The following GRID2 variants were observed in gnomAD, a reference collection of about 807,000 sequenced individuals.
The protein encoded by GRID2 is glutamate ionotropic receptor delta type subunit 2.
Under a neutral mutation model 114.8 loss-of-function variants are expected in GRID2, and 33 were observed. The ratio of observed to expected loss-of-function variants is 0.29; its 90% CI spans 0.22 to 0.38. The LOEUF (loss-of-function observed/expected upper bound fraction) is 0.38. Among genes scored for constraint, GRID2 ranks in the 10% least tolerant of loss-of-function variants. The probability of loss-of-function intolerance (pLI) is 1.00; values close to 1 mark genes in which losing one functional copy is unlikely to be tolerated. For synonymous variants in GRID2, 505 were observed against 449.9 expected (o/e 1.12, Z -1.55); for missense variants, 1,184 against 1,257.7 (o/e 0.94, Z 0.89).
intron 1 of GRID2, among the ~76,000 whole-genome samples, chr4:93,786,717 A>T (rs1412064738): frequency 7.9e-5 from 12 of 152,242 alleles, no homozygotes; most frequent in Non-Finnish European, 1.5e-5. Context: ...AAAGCTATCT[A>T]GAGCAACATG....
intron 2 of GRID2, among the ~76,000 whole-genome samples, chr4:92,941,035 T>C (rs1246153569): frequency 6.6e-6 from 1 of 152,144 alleles, no homozygotes; most frequent in Admixed American, 6.5e-5. Context: ...TTCTCTTTTA[T>C]TGTTGTGTCT....
At chr4:92,444,740 A>G (rs935481888) in intron 1 of GRID2, among the ~76,000 whole-genome samples, 1 of 152,204 alleles carries the variant, frequency 6.6e-6, no homozygotes, top group Non-Finnish European at 1.5e-5. Context: ...GCAACATAAT[A>G]AATGACAAAT....
intron 2 of GRID2, among the ~76,000 whole-genome samples, chr4:92,894,676 G>T (rs555552728): frequency 6.6e-6 from 1 of 152,152 alleles, no homozygotes; most frequent in East Asian, 1.9e-4. Flanking sequence ...ACGTTTAAAA[G>T]AACAATTGTC....
intron 2 of GRID2, among the ~76,000 whole-genome samples, chr4:92,682,210 T>A (rs1733682913): frequency 6.6e-6 from 1 of 152,122 alleles, no homozygotes; most frequent in Non-Finnish European, 1.5e-5. Context: ...GAATTTGAGA[T>A]GGAACTATAG....
intron 2 of GRID2, among the ~76,000 whole-genome samples, chr4:92,995,704 T>C (rs1242442917): frequency 1.3e-5 from 2 of 152,188 alleles, no homozygotes; most frequent in Non-Finnish European, 2.9e-5. Context: ...TATCATTTCA[T>C]GTCATCTGGA....
chr4:92,899,356 T>C (rs368120372), intron 2 of GRID2, among the ~76,000 whole-genome samples: 1 of 152,268 alleles, frequency 6.6e-6, no homozygotes, highest in African/African-American at 2.4e-5. Flanking sequence ...TTCATTGTCT[T>C]GGAAAGTATT....
At chr4:92,891,414 A>G (rs956172034) in intron 2 of GRID2, among the ~76,000 whole-genome samples, 8 of 152,232 alleles carry the variant, frequency 5.3e-5, no homozygotes, top group African/African-American at 1.9e-4. Context: ...CAAATAGCAG[A>G]CTAAGCAAAG....
chr4:93,713,765 A>G (rs990964617), intron 14 of GRID2, among the ~76,000 whole-genome samples: 6 of 152,140 alleles, frequency 3.9e-5, no homozygotes, highest in Non-Finnish European at 2.9e-5. Flanking sequence ...CTAATTTACT[A>G]GTATCAAACT....
intron 2 of GRID2, among the ~76,000 whole-genome samples, chr4:92,593,774 A>T (rs1376314885): frequency 6.6e-6 from 1 of 151,284 alleles, no homozygotes; most frequent in Non-Finnish European, 1.5e-5. Flanking sequence ...GCCATTTTTC[A>T]TCTTTTGTGT....
chr4:93,113,109 T>C (rs1016675110), intron 4 of GRID2, among the ~76,000 whole-genome samples: 1 of 152,196 alleles, frequency 6.6e-6, no homozygotes, highest in Non-Finnish European at 1.5e-5. Flanking sequence ...GTTTGAGAGT[T>C]CAATTTGGAT....
At chr4:93,450,857 A>T (rs1240815267) in intron 10 of GRID2, among the ~76,000 whole-genome samples, 2 of 151,940 alleles carry the variant, frequency 1.3e-5, no homozygotes, top group Non-Finnish European at 2.9e-5. Flanking sequence ...TATCTTAGCT[A>T]TTTGCAAATA....
chr4:92,572,176 T>C (rs1005125749), intron 1 of GRID2, among the ~76,000 whole-genome samples: 2 of 151,604 alleles, frequency 1.3e-5, no homozygotes, highest in Non-Finnish European at 2.9e-5. Flanking sequence ...ATCAAATAGA[T>C]GCAATAAAAA....
chr4:93,580,762 T>TC (rs1231315030), intron 13 of GRID2, among the ~76,000 whole-genome samples: 1 of 151,870 alleles, frequency 6.6e-6, no homozygotes, highest in Non-Finnish European at 1.5e-5. Flanking sequence ...CATTTTTTTT[T>TC]TCTTTTTTTT....
intron 8 of GRID2, among the ~76,000 whole-genome samples, chr4:93,248,149 G>A (rs1247863106): frequency 6.6e-6 from 1 of 152,030 alleles, no homozygotes; most frequent in Non-Finnish European, 1.5e-5. Context: ...ATGATGTGGT[G>A]GTACTTAACA....
chr4:93,437,833 C>A (rs766154342), intron 10 of GRID2, among the ~76,000 whole-genome samples: 1 of 152,060 alleles, frequency 6.6e-6, no homozygotes, highest in African/African-American at 2.4e-5. Context: ...CAAACTACTC[C>A]CATCTCTTAG....
intron 1 of GRID2, among the ~76,000 whole-genome samples, chr4:92,544,725 A>G (rs569908744): frequency 6.6e-6 from 1 of 152,178 alleles, no homozygotes; most frequent in South Asian, 2.1e-4. Flanking sequence ...TAATTTATCT[A>G]TTTTCCATTA....
intron 1 of GRID2, among the ~76,000 whole-genome samples, chr4:92,463,671 T>A (rs181623289): frequency 6.6e-6 from 1 of 152,140 alleles, no homozygotes; most frequent in Non-Finnish European, 1.5e-5. Flanking sequence ...TCTGTACTGA[T>A]GTTCTATCTT....
intron 2 of GRID2, among the ~76,000 whole-genome samples, chr4:92,805,281 T>G (rs113561115): frequency 9.2e-5 from 14 of 152,082 alleles, no homozygotes; most frequent in African/African-American, 3.4e-4. Context: ...ATTTATACAG[T>G]TATTTTAATA....
At chr4:92,704,612 A>G (rs1003054236) in intron 2 of GRID2, among the ~76,000 whole-genome samples, 1 of 152,154 alleles carries the variant, frequency 6.6e-6, no homozygotes, top group South Asian at 2.1e-4. Context: ...GATTGTATAG[A>G]TGATGGAGAC....
Sources: allele counts gnomAD v4.1 joint callset (sites outside exome capture counted in the v4.1 genomes callset), GRCh38; gene constraint gnomAD v4.1.1; transcripts MANE v1.5; gene names NCBI Gene and HGNC (gene_info 2026-07-23, HGNC 2026-07-21).